GPHN: variants seen among roughly 807,000 people sequenced by gnomAD.
GPHN encodes gephyrin.
GPHN carries 17 observed loss-of-function variants against 95.5 expected under a neutral mutation model. The observed-to-expected ratio is 0.18, with a 90% confidence interval of 0.12 to 0.27. GPHN has a LOEUF of 0.27. Ranked by LOEUF, GPHN falls within the 10% of genes least tolerant of loss-of-function variation. The probability of loss-of-function intolerance (pLI) is 1.00; values close to 1 mark genes in which losing one functional copy is unlikely to be tolerated. For synonymous variants in GPHN, 320 were observed against 322.5 expected, an observed-to-expected ratio of 0.99 and a Z score of 0.08; for missense variants, 660 against 978.1, an observed-to-expected ratio of 0.67 and a Z score of 4.34.
At chr14:66,893,057 G>T (rs751627149) in intron 5 of GPHN, among the ~76,000 whole-genome samples, 3 of 152,138 alleles carry the variant, frequency 2.0e-5, no homozygotes, top group African/African-American at 4.8e-5. Flanking sequence ...AAGTGACACA[G>T]ATGGTGTGAG....
At chr14:66,923,805 T>A (rs969733189) in intron 7 of GPHN, among the ~76,000 whole-genome samples, 9 of 152,160 alleles carry the variant, frequency 5.9e-5, no homozygotes, top group East Asian at 5.8e-4. Flanking sequence ...GTTTTTTTTT[T>A]AATAATATAT....
the GPHN span, among the ~76,000 whole-genome samples, chr14:67,601,967 A>G: frequency 6.6e-6 from 1 of 151,544 alleles, no homozygotes; most frequent in Admixed American, 6.6e-5. Flanking sequence ...TTCATTCAGA[A>G]TTTTATTTCC....
the GPHN span, among the ~76,000 whole-genome samples, chr14:67,614,079 G>T: frequency 2.0e-5 from 3 of 152,072 alleles, no homozygotes; most frequent in African/African-American, 7.2e-5. Context: ...GGGTCTACGG[G>T]TACACACCAC....
the GPHN span, chr14:67,579,715 C>T: frequency 1.2e-6 from 2 of 1,611,854 alleles, no homozygotes; most frequent in Non-Finnish European, 1.7e-6. Flanking sequence ...TCTTCTCCCG[C>T]CTCAGGTGGT....
At chr14:66,736,485 G>A (rs767827102) in intron 2 of GPHN, among the ~76,000 whole-genome samples, 9 of 148,286 alleles carry the variant, frequency 6.1e-5, no homozygotes, top group Admixed American at 1.4e-4. Flanking sequence ...TGCAGCTTCC[G>A]CCTCCTGGGT....
At chr14:67,256,290 T>C in the GPHN span, among the ~76,000 whole-genome samples, 4 of 152,334 alleles carry the variant, frequency 2.6e-5, no homozygotes, top group Admixed American at 6.5e-5. Context: ...AGATAAACAC[T>C]GTTCTGAAGC....
At chr14:67,660,497 G>A in the GPHN span, among the ~76,000 whole-genome samples, 1 of 152,112 alleles carries the variant, frequency 6.6e-6, no homozygotes, top group Non-Finnish European at 1.5e-5. Context: ...TTTTTAGCCT[G>A]GTATGATTGA....
At chr14:67,676,987 T>C in the GPHN span, 2 of 152,206 alleles carry the variant, frequency 1.3e-5, no homozygotes, top group East Asian at 1.9e-4. Flanking sequence ...TCTAAACATA[T>C]AGCTTAATGG....
intron 2 of GPHN, among the ~76,000 whole-genome samples, chr14:66,727,021 CAT>C (rs1332536250): frequency 1.3e-5 from 2 of 152,228 alleles, no homozygotes; most frequent in Non-Finnish European, 2.9e-5. Flanking sequence ...ACAATTCCCA[CAT>C]GTCATAGGAG....
chr14:66,567,279 T>C (rs974537307), intron 1 of GPHN, among the ~76,000 whole-genome samples: 1 of 152,118 alleles, frequency 6.6e-6, no homozygotes, highest in African/African-American at 2.4e-5. Context: ...TTTAGCAGCG[T>C]AGGGGACTTT....
intron 5 of GPHN, among the ~76,000 whole-genome samples, chr14:66,885,278 G>T (rs763489409): frequency 6.6e-6 from 1 of 152,110 alleles, no homozygotes; most frequent in African/African-American, 2.4e-5. Flanking sequence ...CTGGACAACC[G>T]TTTGAACTGG....
At chr14:67,115,247 A>G (rs1046616865) in intron 16 of GPHN, among the ~76,000 whole-genome samples, 1 of 152,184 alleles carries the variant, frequency 6.6e-6, no homozygotes. Flanking sequence ...GTGATAAAAA[A>G]AAAAGAGATA....
At chr14:67,597,998 C>A in the GPHN span, among the ~76,000 whole-genome samples, 1 of 152,158 alleles carries the variant, frequency 6.6e-6, no homozygotes, top group East Asian at 1.9e-4. Context: ...AGGATTTGAT[C>A]CATGTCAGCT....
At chr14:67,457,259 A>G in the GPHN span, among the ~76,000 whole-genome samples, 3 of 152,194 alleles carry the variant, frequency 2.0e-5, no homozygotes, top group African/African-American at 7.2e-5. Context: ...AAACCTGCAC[A>G]TATACCCTTC....
chr14:66,623,276 C>A (rs889262127), intron 1 of GPHN, among the ~76,000 whole-genome samples: 1 of 152,106 alleles, frequency 6.6e-6, no homozygotes, highest in African/African-American at 2.4e-5. Context: ...GACCCACCCC[C>A]ATAATTCAAT....
chr14:67,535,562 AG>A, the GPHN span, among the ~76,000 whole-genome samples: 1 of 151,730 alleles, frequency 6.6e-6, no homozygotes, highest in East Asian at 1.9e-4. Flanking sequence ...TTGTATTTTT[AG>A]TAGAGACAGG....
chr14:67,423,467 G>A, the GPHN span, among the ~76,000 whole-genome samples: 1 of 152,120 alleles, frequency 6.6e-6, no homozygotes, highest in African/African-American at 2.4e-5. Flanking sequence ...AGGGGGCTCT[G>A]AAGGGGGCCA....
the GPHN span, among the ~76,000 whole-genome samples, chr14:67,215,742 C>T: frequency 3.3e-5 from 5 of 152,234 alleles, no homozygotes; most frequent in Middle Eastern, 3.4e-3. Flanking sequence ...TCCAACTTAG[C>T]AATTTGTCCT....
At chr14:66,980,821 C>T in intron 9 of GPHN, among the ~76,000 whole-genome samples, 1 of 152,160 alleles carries the variant, frequency 6.6e-6, no homozygotes, top group Non-Finnish European at 1.5e-5. Context: ...GAGGCCAAGG[C>T]AGGAGTATCA....
Sources: allele counts gnomAD v4.1 joint callset (sites outside exome capture counted in the v4.1 genomes callset), GRCh38; gene constraint gnomAD v4.1.1; transcripts MANE v1.5; gene names NCBI Gene and HGNC (gene_info 2026-07-23, HGNC 2026-07-21).